The following TCFL5 variants were observed in gnomAD, a reference collection of about 807,000 sequenced individuals.
TCFL5 encodes the protein transcription factor like 5, also known as transcription factor-like 5 protein.
A neutral mutation model predicts 44.3 loss-of-function variants in TCFL5; 9 were observed. The ratio of observed to expected loss-of-function variants is 0.20; its 90% CI spans 0.12 to 0.35. The LOEUF is 0.35. TCFL5 is among the 10% of genes least tolerant of loss of function. The pLI is 1.00. For synonymous variants in TCFL5, 319 were observed against 271.6 expected (o/e 1.17, Z -1.72); for missense variants, 603 against 613.4 (o/e 0.98, Z 0.18).
At position 62,842,032 on chromosome 20, in the gene TCFL5, CA is replaced by C; in HGVS notation, c.1445del (p.Leu482TrpfsTer2). The C allele has an allele frequency of 1.9e-6, 3 of 1,614,208 alleles. No individual in the cohort carries two copies. Among genetic ancestry groups the C allele is most frequent in the Non-Finnish European group, 2.5e-6 (3 of 1,180,032 alleles). On this transcript the variant is annotated frameshift_variant, in exon 6 of 6. Transcript: ENST00000335351. LOFTEE classifies it high-confidence loss of function. This position sits in a 1 kb window ranked among gnomAD's most constrained non-coding sequence, Gnocchi z 4.3. Reference sequence around the variant, plus strand: ...AACTCCCCTGTGCAGGACAGGTCACCAAGGAGTCCGGTCTGGTCAGCTTTAG... The same window carrying C: ...AACTCCCCTGTGCAGGACAGGTCACCAGGAGTCCGGTCTGGTCAGCTTTAG... ...RRLKLTRPDS[L>X]VTCPAQGSLQ...
At chr20:62,847,378 A>T (rs1417830131) in intron 5 of TCFL5, among the ~76,000 whole-genome samples, 1 of 152,180 alleles carries the variant, frequency 6.6e-6, no homozygotes, top group Non-Finnish European at 1.5e-5. Flanking sequence ...AAATAATAGA[A>T]ATAAGGTTTT....
chr20:62,843,264 C>A (rs904957256), intron 5 of TCFL5, among the ~76,000 whole-genome samples: 3 of 152,094 alleles, frequency 2.0e-5, no homozygotes, highest in African/African-American at 4.8e-5. Context: ...TGTGGGCTCA[C>A]GGGAGATTCT....
At chr20:62,846,906 C>T (rs149575276) in intron 5 of TCFL5, among the ~76,000 whole-genome samples, 119 of 152,062 alleles carry the variant, frequency 7.8e-4, no homozygotes, top group East Asian at 5.8e-4. Flanking sequence ...AGAAAGCGGC[C>T]GGGTGCAGTG....
chr20:62,853,960 G>A (rs1194418699), intron 5 of TCFL5, 56 bp downstream of exon 5: 3 of 1,585,542 alleles, frequency 1.9e-6, no homozygotes, highest in Admixed American at 1.7e-5. Context: ...AAAAAGGAGG[G>A]ACATTGTTAA....
chr20:62,850,894 G>T (rs759755593), intron 5 of TCFL5, among the ~76,000 whole-genome samples: 122 of 152,158 alleles, frequency 8.0e-4, no homozygotes, highest in Non-Finnish European at 1.5e-3. Flanking sequence ...AGCAGCCCCC[G>T]AGTCCGGCTG....
At chr20:62,854,709 T>C (rs1032232616) in intron 4 of TCFL5, among the ~76,000 whole-genome samples, 1 of 152,228 alleles carries the variant, frequency 6.6e-6, no homozygotes, top group Non-Finnish European at 1.5e-5. Flanking sequence ...AGATAAACAA[T>C]TGGAGTCTTG....
At chr20:62,852,531 G>A (rs1029768221) in intron 5 of TCFL5, 55 of 985,476 alleles carry the variant, frequency 5.6e-5, no homozygotes, top group Non-Finnish European at 6.6e-5. Context: ...ATGGCTTGCT[G>A]CAGGCCACTG....
intron 3 of TCFL5, among the ~76,000 whole-genome samples, 196 bp downstream of exon 3, chr20:62,859,167 GT>G (rs1198045195): frequency 1.3e-5 from 2 of 152,200 alleles, no homozygotes; most frequent in African/African-American, 4.8e-5. Flanking sequence ...GATTAATTAT[GT>G]TTGAGAATCA....
intron 1 of TCFL5, among the ~76,000 whole-genome samples, chr20:62,860,512 T>G (rs1215340983): frequency 6.6e-6 from 1 of 152,218 alleles, no homozygotes; most frequent in Non-Finnish European, 1.5e-5. Context: ...GCCACCTCCC[T>G]GCTCTCATCA....
intron 5 of TCFL5, among the ~76,000 whole-genome samples, chr20:62,851,242 G>A (rs2063805767): frequency 6.6e-6 from 1 of 152,104 alleles, no homozygotes; most frequent in South Asian, 2.1e-4. Context: ...CTTGACCTCA[G>A]CCTGTTTCTT....
At chr20:62,844,983 A>C (rs1409940176) in intron 5 of TCFL5, 11 of 985,258 alleles carry the variant, frequency 1.1e-5, no homozygotes, top group Non-Finnish European at 1.3e-5. Flanking sequence ...CATGGATTTA[A>C]CTTCTGAACC....
At chr20:62,858,435 A>T (rs1301442448) in intron 3 of TCFL5, among the ~76,000 whole-genome samples, 1 of 152,214 alleles carries the variant, frequency 6.6e-6, no homozygotes, top group Non-Finnish European at 1.5e-5. Flanking sequence ...CTGCTTTAAT[A>T]CTCATCTTTG....
At chr20:62,853,195 T>C (rs144841639) in intron 5 of TCFL5, among the ~76,000 whole-genome samples, 2,003 of 151,908 alleles carry the variant, frequency 0.013, 46 homozygotes, top group African/African-American at 0.046. Flanking sequence ...CACAGAAGTA[T>C]AGTCACCCAG....
At chr20:62,847,579 G>A (rs1436843223) in intron 5 of TCFL5, among the ~76,000 whole-genome samples, 1 of 152,230 alleles carries the variant, frequency 6.6e-6, no homozygotes, top group East Asian at 1.9e-4. Flanking sequence ...AAAAAGAATG[G>A]CTTTTCTTTT....
chr20:62,857,989 TG>T (rs1385668567), intron 3 of TCFL5, among the ~76,000 whole-genome samples: 3 of 149,062 alleles, frequency 2.0e-5, no homozygotes, highest in Non-Finnish European at 3.0e-5. Context: ...AAGGTCAGAA[TG>T]GAAAAAAAAA....
Position 62,842,972 on chromosome 20 carries a change from CCTGT to C in TCFL5, c.1381-879_1381-876del, listed in dbSNP as rs1568772379. ...GGCTGAGCTTGCTCCTGTCACACCA[CCTGT>C]CTTTTACAAAAGGCCTCAATTATAA... is the stretch of plus-strand genomic sequence containing the variant. On this transcript the variant is annotated intron_variant, in intron 5 of 5. Coordinates refer to ENST00000335351, the MANE Select transcript of TCFL5 (RefSeq NM_006602.4). This position sits in a 1 kb window ranked among gnomAD's most constrained non-coding sequence, Gnocchi z 4.3. 6.6e-6 allele frequency among the ~76,000 whole-genome samples: 1 copy of C among 152,032 alleles called. No individual in the cohort carries two copies.
chr20:62,858,175 CT>C (rs1482561963), intron 3 of TCFL5, among the ~76,000 whole-genome samples: 3 of 152,268 alleles, frequency 2.0e-5, no homozygotes, highest in Non-Finnish European at 2.9e-5. Context: ...AGAAGTGGCT[CT>C]CCTCCCCAAA....
At chr20:62,844,309 G>A (rs12625513) in intron 5 of TCFL5, among the ~76,000 whole-genome samples, 8,877 of 152,244 alleles carry the variant, frequency 0.058, 289 homozygotes, top group East Asian at 0.14. Flanking sequence ...GTCTTGATTC[G>A]TATTTCCCTA....
chr20:62,859,226 T>G (rs1184355346), intron 3 of TCFL5, 138 bp downstream of exon 3: 98 of 736,414 alleles, frequency 1.3e-4, no homozygotes, highest in Non-Finnish European at 1.9e-4. Flanking sequence ...GACAGACCCC[T>G]GAGATACACA....
Sources: allele counts gnomAD v4.1 joint callset (sites outside exome capture counted in the v4.1 genomes callset), GRCh38; gene constraint gnomAD v4.1.1; non-coding constraint Gnocchi (gnomAD v3.1); transcripts MANE v1.5; gene names NCBI Gene and HGNC (gene_info 2026-07-23, HGNC 2026-07-21).